CDK16: variants seen among roughly 807,000 people sequenced by gnomAD.
The protein encoded by CDK16 is cyclin dependent kinase 16.
A neutral mutation model predicts 41.6 loss-of-function variants in CDK16; 2 were observed. That is an observed-to-expected ratio of 0.05 (90% CI 0.02 to 0.15). The LOEUF is 0.15. Ranked by LOEUF, CDK16 falls within the 10% of genes least tolerant of loss-of-function variation. The pLI, the probability that CDK16 is intolerant of heterozygous loss-of-function variation, is 1.00. For synonymous variants in CDK16, 169 were observed against 169.7 expected, an observed-to-expected ratio of 1.00 and a Z score of 0.03; for missense variants, 228 against 428.9, an observed-to-expected ratio of 0.53 and a Z score of 4.14.
chrX:47,229,087 G>T lies in CDK16; in HGVS notation c.*319G>T, dbSNP rs1027449549. On this transcript the variant is annotated 3_prime_UTR_variant, in exon 16 of 16. Transcript: ENST00000357227. Reference sequence around the variant, plus strand: ...GCCAGGTCTACCCCCCATCATACCAGCCCCCAGGACCACTACCCCACGGCC... The same window carrying T: ...GCCAGGTCTACCCCCCATCATACCATCCCCCAGGACCACTACCCCACGGCC... 3 of 378,197 alleles carry T rather than the reference G, an allele frequency of 7.9e-6. No individual in the cohort carries two copies. Among genetic ancestry groups the T allele is most frequent in the African/African-American group, 7.8e-5 (3 of 38,373 alleles). 31.2% of individuals were successfully genotyped at this position (378,197 alleles called of 1,213,427 possible).
At chrX:47,227,282 A>AC (rs5902386) in intron 13 of CDK16, 59 bp downstream of exon 13, 147,279 of 992,123 alleles carry the variant, frequency 0.15, 2,492 homozygotes, top group African/African-American at 0.17. Context: ...GGAAACAGGG[A>AC]CCCCCCCCCT....
intron 1 of CDK16, among the ~76,000 whole-genome samples, chrX:47,221,660 T>C (rs1428537373): frequency 8.9e-6 from 1 of 111,908 alleles, no homozygotes; most frequent in Non-Finnish European, 1.9e-5. Context: ...CAAGGTTGTC[T>C]TTGGGAGCTG....
At chrX:47,228,278 T>C in intron 14 of CDK16, 1 of 275,621 alleles carries the variant, frequency 3.6e-6, no homozygotes, top group Middle Eastern at 1.0e-3. Context: ...ACTGGATTAA[T>C]ATATAAAGCA....
intron 14 of CDK16, chrX:47,228,058 T>C (rs2055265125): frequency 8.6e-6 from 1 of 115,750 alleles, no homozygotes; most frequent in Non-Finnish European, 1.8e-5. Context: ...AGTAATATGA[T>C]GAGTCCCTAA....
intron 9 of CDK16, 43 bp downstream of exon 9, chrX:47,226,445 A>G: frequency 8.3e-7 from 1 of 1,200,491 alleles, no homozygotes; most frequent in Non-Finnish European, 1.1e-6. Flanking sequence ...CCAGCCTCCT[A>G]CTTTCCCATG....
At chrX:47,221,258 C>T (rs1937325804) in intron 1 of CDK16, among the ~76,000 whole-genome samples, 1 of 111,072 alleles carries the variant, frequency 9.0e-6, no homozygotes, top group African/African-American at 3.3e-5. Context: ...GGACATGTGC[C>T]TTTTTTGGGG....
At chrX:47,228,505 T>C (rs2055276126) in intron 14 of CDK16, 62 bp from the exon 15 acceptor site, 1 of 983,028 alleles carries the variant, frequency 1.0e-6, no homozygotes. Context: ...TGGGGTCATA[T>C]GGGGCTGGTC....
intron 1 of CDK16, chrX:47,223,266 G>A (rs1052585236): frequency 7.8e-6 from 9 of 1,155,153 alleles, no homozygotes; most frequent in African/African-American, 3.6e-5. Context: ...ACAATCCATC[G>A]TTAGGGCCCT....
At chrX:47,219,240 G>A in intron 1 of CDK16, 135 bp downstream of exon 1, 1 of 610,918 alleles carries the variant, frequency 1.6e-6, no homozygotes, top group Non-Finnish European at 2.0e-6. Context: ...ACCGGGGCGG[G>A]GGGTCATTTG....
chrX:47,221,567 C>T (rs913837760), intron 1 of CDK16, among the ~76,000 whole-genome samples: 24 of 111,409 alleles, frequency 2.2e-4, no homozygotes, highest in African/African-American at 7.2e-4. Flanking sequence ...TCCATTCAGC[C>T]CTACTTCCAG....
Position 47,228,787 on chromosome X carries a change from A to G in CDK16, c.*19A>G. 1 of 1,205,481 alleles carries G rather than the reference A, an allele frequency of 8.3e-7. No homozygotes were observed. Among genetic ancestry groups the G allele is most frequent in the Non-Finnish European group, 1.1e-6 (1 of 891,232 alleles). On this transcript the variant is annotated 3_prime_UTR_variant, in exon 16 of 16. Transcript: ENST00000357227. ...GTTCTAAGCCACAGACCGAGGCCCCAGCAGGCAGCGGCTGGAGGGATGCCA... is the reference window on the plus strand; with the variant it reads ...GTTCTAAGCCACAGACCGAGGCCCCGGCAGGCAGCGGCTGGAGGGATGCCA...
At chrX:47,219,624 C>G (rs1223189893) in intron 1 of CDK16, among the ~76,000 whole-genome samples, 4 of 110,772 alleles carry the variant, frequency 3.6e-5, no homozygotes, top group African/African-American at 1.3e-4. Context: ...GGCACAGGTA[C>G]CAGAACGTGT....
chrX:47,218,401 T>C (rs782272929), upstream of CDK16: 6 of 395,006 alleles, frequency 1.5e-5, no homozygotes, highest in Non-Finnish European at 2.6e-5. Context: ...TCTTTTTTCC[T>C]CCTTGCAAAA....
At position 47,227,202 on chromosome X, in the gene CDK16, C is replaced by T. The variant is rs1937569408; in HGVS notation, c.1263C>T (p.Asp421=). Residue 421 remains aspartate, a synonymous_variant, in exon 13 of 16, where the codon GAC becomes GAT. Transcript: ENST00000357227. The part of the protein sequence containing the change: ...HAPRLDSDGA[D]LLTKLLQFEG... ...GCAGACTTGATAGCGACGGGGCCGACCTCCTCACCAAGCTGTTGCAGGTGA... is the reference window on the plus strand; with the variant it reads ...GCAGACTTGATAGCGACGGGGCCGATCTCCTCACCAAGCTGTTGCAGGTGA... 1 of 1,209,696 alleles carries T rather than the reference C, an allele frequency of 8.3e-7. No homozygotes were observed. Among genetic ancestry groups the T allele is most frequent in the African/African-American group, 1.7e-5 (1 of 57,668 alleles).
chrX:47,220,028 G>A (rs1344222265), intron 1 of CDK16, among the ~76,000 whole-genome samples: 1 of 110,183 alleles, frequency 9.1e-6, no homozygotes, highest in Non-Finnish European at 1.9e-5. Flanking sequence ...AGTGGACGAA[G>A]GGTAAAGGTG....
intron 13 of CDK16, 22 bp from the exon 14 acceptor site, chrX:47,227,357 C>T (rs371968092): frequency 2.6e-6 from 3 of 1,173,722 alleles, no homozygotes; most frequent in African/African-American, 1.8e-5. Context: ...AATACTATCC[C>T]CCTCCCCGCA....
At chrX:47,222,970 C>CCGGGGAGATGAA in intron 1 of CDK16, 10 of 875,932 alleles carry the variant, frequency 1.1e-5, no homozygotes, top group Non-Finnish European at 1.3e-5. Flanking sequence ...CCCCCCCCAC[C>CCGGGGAGATGAA]TGGGTAGATG....
chrX:47,223,706 G>A lies in CDK16; in HGVS notation c.149G>A (p.Arg50His), dbSNP rs142251178. The A allele has an allele frequency of 9.9e-5, 120 of 1,208,256 alleles. No individual in the cohort carries two copies. Among genetic ancestry groups the A allele is most frequent in the Non-Finnish European group, 1.3e-4 (112 of 894,469 alleles). ...GGSDPGEAPT[R>H]AAPGELRSAR... ...AGTGACCCTGGAGAGGCCCCCACACGTGCTGCTCCTGGGGAACTTCGTTCT... is the reference window on the plus strand; with the variant it reads ...AGTGACCCTGGAGAGGCCCCCACACATGCTGCTCCTGGGGAACTTCGTTCT... Residue 50 changes from arginine to histidine, a missense_variant, in exon 2 of 16, where the codon CGT becomes CAT. Coordinates refer to ENST00000357227, the MANE Select transcript of CDK16 (RefSeq NM_006201.5).
At position 47,223,662 on chromosome X, in the gene CDK16, G is replaced by A; in HGVS notation, c.105G>A (p.Glu35=). ...NGAPEQIGLD[E]SGGGGGSDPG... Reference sequence around the variant, plus strand: ...CCCCTGAGCAGATAGGCCTGGATGAGAGTGGTGGTGGTGGCGGCAGTGACC... The same window carrying A: ...CCCCTGAGCAGATAGGCCTGGATGAAAGTGGTGGTGGTGGCGGCAGTGACC... The change falls in exon 2 of 16, where the codon GAG becomes GAA. Residue 35 remains glutamate (E), a synonymous_variant. Coordinates refer to ENST00000357227, the MANE Select transcript of CDK16 (RefSeq NM_006201.5). 8.3e-7 allele frequency: 1 copy of A among 1,211,381 alleles called. No individual in the cohort carries two copies. Among genetic ancestry groups the A allele is most frequent in the Non-Finnish European group, 1.1e-6 (1 of 895,254 alleles).
Sources: allele counts gnomAD v4.1 joint callset (sites outside exome capture counted in the v4.1 genomes callset), GRCh38; gene constraint gnomAD v4.1.1; transcripts MANE v1.5; gene names NCBI Gene and HGNC (gene_info 2026-07-23, HGNC 2026-07-21).